FAM228A: variants seen among roughly 807,000 people sequenced by gnomAD.
The protein encoded by FAM228A is protein FAM228A.
A neutral mutation model predicts 18.6 loss-of-function variants in FAM228A; 13 were observed. The observed-to-expected ratio is 0.70, with a 90% CI of 0.45 to 1.11. The LOEUF (loss-of-function observed/expected upper bound fraction) is 1.11, where lower values mean the gene tolerates loss of function less well. Among genes scored for constraint, FAM228A ranks in the 50% least tolerant of loss-of-function variants. The probability of loss-of-function intolerance (pLI) is 0.00; values close to 1 mark genes in which losing one functional copy is unlikely to be tolerated. For synonymous variants in FAM228A, 77 were observed against 86.6 expected (o/e 0.89, Z 0.61); for missense variants, 240 against 242.2 (o/e 0.99, Z 0.06).
chr2:24,182,737 C>T (rs945413871), intron 3 of FAM228A, among the ~76,000 whole-genome samples: 1 of 152,082 alleles, frequency 6.6e-6, no homozygotes, highest in African/African-American at 2.4e-5. Flanking sequence ...GCTGTCTAGA[C>T]CAGGAGATCC....
At chr2:24,184,122 G>A (rs1242197760) in intron 5 of FAM228A, among the ~76,000 whole-genome samples, 1 of 152,216 alleles carries the variant, frequency 6.6e-6, no homozygotes, top group Non-Finnish European at 1.5e-5. Context: ...GCTCACACCT[G>A]TAATCCCAGC....
At chr2:24,178,536 T>C (rs1667745599) in intron 3 of FAM228A, among the ~76,000 whole-genome samples, 2 of 152,216 alleles carry the variant, frequency 1.3e-5, no homozygotes, top group African/African-American at 4.8e-5. Context: ...ATCATGCCAC[T>C]ATACTCCAGC....
intron 3 of FAM228A, chr2:24,179,343 G>T: frequency 2.5e-6 from 1 of 394,214 alleles, no homozygotes; most frequent in Non-Finnish European, 3.7e-6. Flanking sequence ...TGAAGAGTTG[G>T]TCTAACAATT....
Position 24,179,143 on chromosome 2 carries a change from T to G in FAM228A, c.162+1273T>G, listed in dbSNP as rs1453583289. The G allele has an allele frequency of 6.1e-6, 7 of 1,145,166 alleles. No individual in the cohort carries two copies. The East Asian group carries it at 5.5e-4, about 90-fold the overall frequency. The allele number at this position is 1,145,166 out of a possible 1,614,324, so 70.9% of individuals were successfully genotyped here. On this transcript the variant is annotated intron_variant, in intron 3 of 5. Coordinates refer to ENST00000295150, the MANE Select transcript of FAM228A (RefSeq NM_001040710.3). Reference sequence around the variant, plus strand: ...ATATGTATTTTCAGCATGTGGATACTTTTAAGGAAAGAAGAAAAGAGATGT... The same window carrying G: ...ATATGTATTTTCAGCATGTGGATACGTTTAAGGAAAGAAGAAAAGAGATGT...
In FAM228A at chr2:24,190,680, G is replaced by A. The variant is rs750467149; in HGVS notation, c.*49G>A. 5.0e-5 allele frequency: 75 copies of A among 1,497,616 alleles called. No homozygotes were observed. Among genetic ancestry groups the A allele is most frequent in the Non-Finnish European group, 6.5e-5 (73 of 1,125,004 alleles). 92.8% of individuals were successfully genotyped at this position (1,497,616 alleles called of 1,614,324 possible). Reference sequence around the variant, plus strand: ...CAGACAGGCACCCAAGGGCGGAGGAGGCATGGCCCAAGAAGAAGGGTGTGA... The same window carrying A: ...CAGACAGGCACCCAAGGGCGGAGGAAGCATGGCCCAAGAAGAAGGGTGTGA... On this transcript the variant is annotated 3_prime_UTR_variant, in exon 6 of 6. Transcript: ENST00000295150.
chr2:24,176,973 A>G (rs1214318185), intron 2 of FAM228A, among the ~76,000 whole-genome samples: 1 of 152,236 alleles, frequency 6.6e-6, no homozygotes, highest in Non-Finnish European at 1.5e-5. Context: ...AGCTTTACCC[A>G]AACTCATAAT....
At position 24,191,443 on chromosome 2, in the gene FAM228A, A is replaced by C. The variant is rs1480921581; in HGVS notation, c.*812A>C. Reference sequence around the variant, plus strand: ...AGGGATTCTCCGTCTGTGGTAAGTTACCTGTGACTCTTCAGCAGTTTCCTC... The same window carrying C: ...AGGGATTCTCCGTCTGTGGTAAGTTCCCTGTGACTCTTCAGCAGTTTCCTC... On this transcript the variant is annotated 3_prime_UTR_variant, in exon 6 of 6. Coordinates refer to ENST00000295150, the MANE Select transcript of FAM228A (RefSeq NM_001040710.3). 1.0e-6 allele frequency: 1 copy of C among 985,272 alleles called. No homozygotes were observed. Among genetic ancestry groups the C allele is most frequent in the Non-Finnish European group, 1.2e-6 (1 of 829,916 alleles). The allele number at this position is 985,272 out of a possible 1,614,324, so 61.0% of individuals were successfully genotyped here.
Position 24,191,230 on chromosome 2 carries a change from C to T in FAM228A, c.*599C>T. 4 of 985,588 alleles carry T rather than the reference C, an allele frequency of 4.1e-6. No individual in the cohort carries two copies. The highest frequency in any genetic ancestry group is 3.6e-6 in the Non-Finnish European group (3 of 830,066). The allele number at this position is 985,588 out of a possible 1,614,324, so 61.1% of individuals were successfully genotyped here. ...TGAGGCCTGAGGCGCAGGACCCTCCCAGGGAAGGCCTAGGGGGCTTGGTGG... is the reference window on the plus strand; with the variant it reads ...TGAGGCCTGAGGCGCAGGACCCTCCTAGGGAAGGCCTAGGGGGCTTGGTGG... On this transcript the variant is annotated 3_prime_UTR_variant, in exon 6 of 6. Transcript: ENST00000295150.
rs1292781119 is a variant in FAM228A, at chr2:24,190,404, C to T, written c.402-8C>T. On this transcript the variant is annotated splice_region_variant and splice_polypyrimidine_tract_variant and intron_variant, in intron 5 of 5. Transcript: ENST00000295150. ...AATCGAGACAATTTTTTCTGCTTTT[C>T]TTCACAGTCCTGAAAAGCTCATCTA... 1.3e-6 allele frequency: 2 copies of T among 1,585,302 alleles called. No individual in the cohort carries two copies. The highest frequency in any genetic ancestry group is 1.9e-5 in the Admixed American group (1 of 52,698).
chr2:24,181,071 A>G (rs918601598), intron 3 of FAM228A, among the ~76,000 whole-genome samples: 3 of 94,210 alleles, frequency 3.2e-5, no homozygotes, highest in African/African-American at 9.2e-5. Flanking sequence ...GGTTAAAATT[A>G]CCAAAAAAAG....
intron 5 of FAM228A, among the ~76,000 whole-genome samples, chr2:24,189,596 A>T (rs966220913): frequency 2.0e-5 from 3 of 152,136 alleles, no homozygotes; most frequent in Non-Finnish European, 4.4e-5. Flanking sequence ...TAGATCATGA[A>T]TAAGTGGTTG....
In FAM228A at chr2:24,190,907, C is replaced by A; in HGVS notation, c.*276C>A. 2 of 1,145,546 alleles carry A rather than the reference C, an allele frequency of 1.7e-6. No individual in the cohort carries two copies. Among genetic ancestry groups the A allele is most frequent in the Non-Finnish European group, 2.1e-6 (2 of 931,832 alleles). 71.0% of individuals were successfully genotyped at this position (1,145,546 alleles called of 1,614,324 possible). On this transcript the variant is annotated 3_prime_UTR_variant, in exon 6 of 6. Coordinates refer to ENST00000295150, the MANE Select transcript of FAM228A (RefSeq NM_001040710.3). ...GCTTTTCCCCCTGAGATTTCTTCAG[C>A]GCCTTCGCCCGGGCCTTTGCCCTTC... is the stretch of plus-strand genomic sequence containing the variant.
chr2:24,184,522 A>G (rs1292894138), intron 5 of FAM228A, among the ~76,000 whole-genome samples: 2 of 152,008 alleles, frequency 1.3e-5, no homozygotes, highest in Admixed American at 1.3e-4. Flanking sequence ...GCTCCAGTGT[A>G]TTAACTTCTG....
At chr2:24,178,644 T>G (rs1277694062) in intron 3 of FAM228A, among the ~76,000 whole-genome samples, 1 of 152,148 alleles carries the variant, frequency 6.6e-6, no homozygotes, top group Non-Finnish European at 1.5e-5. Context: ...TGCACATAAA[T>G]TCCCATTTAA....
intron 5 of FAM228A, among the ~76,000 whole-genome samples, chr2:24,189,573 AG>A (rs1668033425): frequency 6.6e-6 from 1 of 152,030 alleles, no homozygotes; most frequent in Non-Finnish European, 1.5e-5. Flanking sequence ...CCCAGCACTT[AG>A]CTGGAGCATA....
chr2:24,186,195 T>TCA (rs1023097153), intron 5 of FAM228A, among the ~76,000 whole-genome samples: 10 of 152,130 alleles, frequency 6.6e-5, no homozygotes, highest in Admixed American at 4.6e-4. Context: ...AGATGAGGTT[T>TCA]CACCATGTTG....
chr2:24,176,952 TA>T (rs1196763696), intron 2 of FAM228A, among the ~76,000 whole-genome samples: 5 of 152,312 alleles, frequency 3.3e-5, no homozygotes, highest in Non-Finnish European at 7.3e-5. Context: ...AAGTGGGGAT[TA>T]AAATGCATCA....
At chr2:24,187,534 G>C (rs1196568154) in intron 5 of FAM228A, among the ~76,000 whole-genome samples, 1 of 152,156 alleles carries the variant, frequency 6.6e-6, no homozygotes, top group Non-Finnish European at 1.5e-5. Flanking sequence ...TTCTGTTCCA[G>C]TGTCACACAG....
intron 5 of FAM228A, among the ~76,000 whole-genome samples, chr2:24,187,026 A>G (rs752308599): frequency 3.9e-5 from 6 of 152,140 alleles, no homozygotes; most frequent in African/African-American, 9.7e-5. Context: ...ACACATTCCT[A>G]TGTACCTATC....
Sources: allele counts gnomAD v4.1 joint callset (sites outside exome capture counted in the v4.1 genomes callset), GRCh38; gene constraint gnomAD v4.1.1; transcripts MANE v1.5; gene names NCBI Gene and HGNC (gene_info 2026-07-23, HGNC 2026-07-21).